The following SCAPER variants were observed in gnomAD, a reference collection of about 807,000 sequenced individuals.
SCAPER encodes the protein S-phase cyclin A associated protein in the ER.
In SCAPER, 98 loss-of-function variants were observed where a neutral mutation model predicts 182.2. That is an observed-to-expected ratio of 0.54 (90% confidence interval 0.46 to 0.64). The LOEUF (loss-of-function observed/expected upper bound fraction) is 0.64. Ranked by LOEUF, SCAPER falls within the 30% of genes least tolerant of loss-of-function variation. The pLI is 0.00. For missense variants in SCAPER, 1,432 were observed against 1,690.0 expected (o/e 0.85, Z 2.68); for synonymous variants, 605 against 564.6 (o/e 1.07, Z -1.01).
chr15:76,864,407 G>A (rs545941934), intron 2 of SCAPER, among the ~76,000 whole-genome samples: 5 of 152,242 alleles, frequency 3.3e-5, no homozygotes, highest in Admixed American at 3.3e-4. Context: ...ATTTACGTAT[G>A]GTTCTTATCT....
At chr15:76,461,373 A>G (rs2142968458) in intron 25 of SCAPER, among the ~76,000 whole-genome samples, 1 of 149,966 alleles carries the variant, frequency 6.7e-6, no homozygotes, top group South Asian at 2.1e-4. Flanking sequence ...GTGGGAAATT[A>G]TTTTGAGATT....
intron 23 of SCAPER, among the ~76,000 whole-genome samples, chr15:76,521,634 GTTAACAATA>G: frequency 1.3e-5 from 2 of 152,202 alleles, no homozygotes; most frequent in Middle Eastern, 6.8e-3. Flanking sequence ...ATACAAAGCT[GTTAACAATA>G]TTAACAAAAT....
intron 5 of SCAPER, among the ~76,000 whole-genome samples, chr15:76,828,303 C>T (rs552169833): frequency 6.6e-6 from 1 of 151,602 alleles, no homozygotes; most frequent in Non-Finnish European, 1.5e-5. Context: ...CTGAGACAAC[C>T]AGACAAGTCA....
chr15:76,523,803 T>A (rs972285753), intron 23 of SCAPER, among the ~76,000 whole-genome samples: 4 of 152,110 alleles, frequency 2.6e-5, no homozygotes, highest in African/African-American at 9.7e-5. Flanking sequence ...GAGAGGATGA[T>A]ATGCTTTCCA....
At chr15:76,510,968 G>T (rs543537707) in intron 23 of SCAPER, among the ~76,000 whole-genome samples, 3 of 152,142 alleles carry the variant, frequency 2.0e-5, no homozygotes, top group Admixed American at 6.5e-5. Flanking sequence ...GGATGGGACT[G>T]GAGACTATTA....
chr15:76,845,552 T>G (rs142956265), intron 4 of SCAPER, among the ~76,000 whole-genome samples: 1 of 152,236 alleles, frequency 6.6e-6, no homozygotes, highest in Non-Finnish European at 1.5e-5. Flanking sequence ...ACCAGTTGCA[T>G]TTCTACATGC....
At chr15:76,810,905 G>A (rs142978089) in intron 5 of SCAPER, among the ~76,000 whole-genome samples, 39 of 152,078 alleles carry the variant, frequency 2.6e-4, no homozygotes, top group African/African-American at 8.7e-4. Flanking sequence ...AAAGTAGAAT[G>A]TAAGGAAAAA....
intron 21 of SCAPER, among the ~76,000 whole-genome samples, chr15:76,638,279 C>G (rs1386441563): frequency 6.6e-6 from 1 of 152,038 alleles, no homozygotes; most frequent in Non-Finnish European, 1.5e-5. Flanking sequence ...ATCTAAGTTG[C>G]TCTCAACCAA....
At chr15:76,821,143 T>C (rs544224613) in intron 5 of SCAPER, among the ~76,000 whole-genome samples, 1 of 152,344 alleles carries the variant, frequency 6.6e-6, no homozygotes, top group Non-Finnish European at 1.5e-5. Flanking sequence ...CAAAGCCATT[T>C]AAAAACTTAC....
chr15:76,554,380 G>A (rs898588472), intron 23 of SCAPER, among the ~76,000 whole-genome samples: 5 of 152,182 alleles, frequency 3.3e-5, no homozygotes, highest in African/African-American at 1.2e-4. Flanking sequence ...AAGAGAGGGA[G>A]AGAAAGCAAG....
At chr15:76,584,013 C>T (rs925244800) in intron 22 of SCAPER, among the ~76,000 whole-genome samples, 1 of 152,098 alleles carries the variant, frequency 6.6e-6, no homozygotes, top group Non-Finnish European at 1.5e-5. Context: ...GATTTGGAAG[C>T]AACCTAAATG....
At chr15:76,704,842 T>C (rs1733594096) in intron 18 of SCAPER, among the ~76,000 whole-genome samples, 1 of 151,968 alleles carries the variant, frequency 6.6e-6, no homozygotes, top group South Asian at 2.1e-4. Flanking sequence ...AAAACCACAA[T>C]GAGATACCAT....
At chr15:76,531,177 T>C (rs1251516775) in intron 23 of SCAPER, among the ~76,000 whole-genome samples, 1 of 152,162 alleles carries the variant, frequency 6.6e-6, no homozygotes, top group South Asian at 2.1e-4. Flanking sequence ...GTACTTCTTA[T>C]GAATATATAT....
At chr15:76,648,250 T>C (rs1433370311) in intron 21 of SCAPER, among the ~76,000 whole-genome samples, 1 of 148,778 alleles carries the variant, frequency 6.7e-6, no homozygotes, top group Non-Finnish European at 1.5e-5. Flanking sequence ...ATGGAACTCC[T>C]GGAGATGAAA....
At chr15:76,665,306 A>G (rs1486595584) in intron 21 of SCAPER, among the ~76,000 whole-genome samples, 1 of 152,234 alleles carries the variant, frequency 6.6e-6, no homozygotes, top group East Asian at 1.9e-4. Flanking sequence ...GTTGATTGCT[A>G]TTGATTTTCT....
intron 15 of SCAPER, 84 bp from the exon 16 acceptor site, chr15:76,733,468 G>C (rs926839494): frequency 6.7e-7 from 1 of 1,487,110 alleles, no homozygotes; most frequent in African/African-American, 1.4e-5. Flanking sequence ...CAACAGTCAG[G>C]CTGGGCGTGG....
intron 22 of SCAPER, among the ~76,000 whole-genome samples, chr15:76,575,643 C>T (rs1218384570): frequency 3.9e-5 from 6 of 152,224 alleles, no homozygotes; most frequent in Non-Finnish European, 7.3e-5. Context: ...CAATGTTCTT[C>T]ATCTTTTCCT....
intron 27 of SCAPER, among the ~76,000 whole-genome samples, chr15:76,397,193 T>C (rs1258540108): frequency 1.3e-5 from 2 of 152,154 alleles, no homozygotes; most frequent in Non-Finnish European, 1.5e-5. Flanking sequence ...TTGATCATAA[T>C]GAATGATCTT....
chr15:76,565,126 C>T (rs755439543), intron 23 of SCAPER, among the ~76,000 whole-genome samples: 1 of 151,902 alleles, frequency 6.6e-6, no homozygotes, highest in African/African-American at 2.4e-5. Flanking sequence ...ATGAAGACAC[C>T]GAAAGCAATT....
Sources: allele counts gnomAD v4.1 joint callset (sites outside exome capture counted in the v4.1 genomes callset), GRCh38; gene constraint gnomAD v4.1.1; transcripts MANE v1.5; gene names NCBI Gene and HGNC (gene_info 2026-07-23, HGNC 2026-07-21).